Variants in SLCO1A2 observed in about 807,000 individuals in gnomAD.
SLCO1A2 encodes OATP-1.
SLCO1A2 carries 67 observed loss-of-function variants against 69.0 expected under a neutral mutation model. The observed-to-expected ratio is 0.97, with a 90% CI of 0.80 to 1.19. The LOEUF is 1.19. SLCO1A2 is among the 50% of genes most tolerant of loss of function. The probability of loss-of-function intolerance (pLI) is 0.00; values close to 1 mark genes in which losing one functional copy is unlikely to be tolerated. For missense variants in SLCO1A2, 787 were observed against 793.7 expected (o/e 0.99, Z 0.10); for synonymous variants, 260 against 265.9 (o/e 0.98, Z 0.22).
At chr12:21,386,037 G>C (rs1317070212) in intron 1 of SLCO1A2, among the ~76,000 whole-genome samples, 2 of 152,150 alleles carry the variant, frequency 1.3e-5, no homozygotes, top group Non-Finnish European at 2.9e-5. Flanking sequence ...TATGCCAAGA[G>C]ATATTGTCTA....
chr12:21,384,154 G>A (rs55785938), intron 1 of SLCO1A2, among the ~76,000 whole-genome samples: 1,714 of 152,112 alleles, frequency 0.011, 26 homozygotes, highest in African/African-American at 0.038. Context: ...GAACAGTATG[G>A]TATTACAGTG....
chr12:21,396,684 C>G (rs529688323), upstream of SLCO1A2, among the ~76,000 whole-genome samples: 165 of 152,284 alleles, frequency 1.1e-3, 1 homozygote, highest in African/African-American at 3.6e-3. Flanking sequence ...TCAGCAGAAA[C>G]CCTACAAGCC....
chr12:21,314,251 T>A (rs554212123), intron 4 of SLCO1A2, among the ~76,000 whole-genome samples: 1 of 152,354 alleles, frequency 6.6e-6, no homozygotes, highest in African/African-American at 2.4e-5. Flanking sequence ...AGTATTTACA[T>A]GGTCCTGAGA....
intron 1 of SLCO1A2, chr12:21,378,645 T>G (rs1221949093): frequency 2.0e-6 from 1 of 490,756 alleles, no homozygotes; most frequent in African/African-American, 1.9e-5. Context: ...TTGCTATAGA[T>G]TTGTATTTTA....
intron 1 of SLCO1A2, among the ~76,000 whole-genome samples, chr12:21,416,326 A>T (rs970052354): frequency 6.6e-6 from 1 of 151,422 alleles, no homozygotes; most frequent in African/African-American, 2.4e-5. Flanking sequence ...AAAGGGAAAT[A>T]ATGAATGAAG....
At chr12:21,348,125 C>T (rs1565510595) in intron 2 of SLCO1A2, among the ~76,000 whole-genome samples, 1 of 152,054 alleles carries the variant, frequency 6.6e-6, no homozygotes, top group Non-Finnish European at 1.5e-5. Context: ...TTTGTGAGTA[C>T]ATAGTAGGTA....
chr12:21,338,719 G>A (rs932043729), upstream of SLCO1A2, among the ~76,000 whole-genome samples: 1 of 151,750 alleles, frequency 6.6e-6, no homozygotes, highest in Non-Finnish European at 1.5e-5. Flanking sequence ...GCGTAGACTA[G>A]GTAAGTACAA....
chr12:21,312,202 C>G (rs1950308034), intron 4 of SLCO1A2, among the ~76,000 whole-genome samples: 1 of 152,354 alleles, frequency 6.6e-6, no homozygotes, highest in African/African-American at 2.4e-5. Context: ...TGCAGCTTCT[C>G]CATCAGCACT....
intron 2 of SLCO1A2, among the ~76,000 whole-genome samples, chr12:21,370,038 A>G (rs1939665457): frequency 6.6e-6 from 1 of 152,216 alleles, no homozygotes; most frequent in Admixed American, 6.5e-5. Flanking sequence ...AACAAGATAT[A>G]CAACTTAGAG....
At chr12:21,366,616 G>A (rs1161623804) in intron 2 of SLCO1A2, among the ~76,000 whole-genome samples, 1 of 151,950 alleles carries the variant, frequency 6.6e-6, no homozygotes, top group Non-Finnish European at 1.5e-5. Flanking sequence ...TGAAGGAAAT[G>A]AAGACCACAA....
chr12:21,292,757 A>G (rs1472263542), intron 11 of SLCO1A2, among the ~76,000 whole-genome samples: 2 of 151,880 alleles, frequency 1.3e-5, no homozygotes, highest in Non-Finnish European at 2.9e-5. Context: ...CACCATTCCC[A>G]GCTACATTTT....
intron 2 of SLCO1A2, among the ~76,000 whole-genome samples, chr12:21,322,731 G>A (rs1350678054): frequency 6.6e-6 from 1 of 152,082 alleles, no homozygotes; most frequent in Non-Finnish European, 1.5e-5. Flanking sequence ...AAGGGAAGAG[G>A]GTACAATGAG....
At chr12:21,410,366 C>A (rs1407623760) in intron 1 of SLCO1A2, among the ~76,000 whole-genome samples, 2 of 152,102 alleles carry the variant, frequency 1.3e-5, no homozygotes, top group Non-Finnish European at 2.9e-5. Context: ...GAGATCGAGG[C>A]TATATATAAC....
intron 1 of SLCO1A2, chr12:21,394,787 A>G (rs1439552945): frequency 6.6e-6 from 1 of 152,132 alleles, no homozygotes; most frequent in Admixed American, 6.5e-5. Context: ...AGATATTTAG[A>G]TATTTCTCAA....
rs376232087 is a variant in SLCO1A2, at chr12:21,282,944, ATATAT to A, written c.1611-7525_1611-7521del. On this transcript the variant is annotated intron_variant, in intron 12 of 14. Coordinates refer to ENST00000683939, the MANE Select transcript of SLCO1A2 (RefSeq NM_001386879.1). ...TTGAAGAGGATACAAATAAATGAAA[ATATAT>A]TATATGCTCATAAATTGAAAGAAAC... Among the ~76,000 whole-genome samples, 857 of 152,274 alleles carry A rather than the reference ATATAT, an allele frequency of 5.6e-3. 9 individuals are homozygous for A. Among genetic ancestry groups the A allele is most frequent in the African/African-American group, 0.019 (804 of 41,582 alleles).
At chr12:21,382,244 T>C (rs1165475706) in intron 1 of SLCO1A2, among the ~76,000 whole-genome samples, 1 of 152,158 alleles carries the variant, frequency 6.6e-6, no homozygotes, top group Admixed American at 6.5e-5. Flanking sequence ...AACCAAAAAC[T>C]GTATGTTCTC....
chr12:21,411,779 G>A (rs1203258725), intron 1 of SLCO1A2, among the ~76,000 whole-genome samples: 2 of 151,948 alleles, frequency 1.3e-5, no homozygotes, highest in Admixed American at 6.6e-5. Flanking sequence ...AACCTCCTGG[G>A]CTCAGGTGAT....
Position 21,300,421 on chromosome 12 carries a change from A to C in SLCO1A2, c.837T>G (p.Ala279=), listed in dbSNP as rs45629461. The C allele has an allele frequency of 1.8e-3, 2,873 of 1,613,420 alleles. 7 individuals are homozygous for C. Among genetic ancestry groups the C allele is most frequent in the Non-Finnish European group, 2.3e-3 (2,663 of 1,179,678 alleles). The stretch of plus-strand genomic sequence containing the variant: ...CTTCATTTTCATTTTTAATGATGTC[A>C]GCATTAGTCTCTAGTCCTTCCTTTG... The part of the protein sequence containing the change: ...TLPKEGLETN[A]DIIKNENEDK... The change falls in exon 8 of 15, where the codon GCT becomes GCG. Residue 279 remains alanine, a synonymous_variant. Coordinates refer to ENST00000683939, the MANE Select transcript of SLCO1A2 (RefSeq NM_001386879.1).
At chr12:21,410,599 A>T (rs1941892713) in intron 1 of SLCO1A2, among the ~76,000 whole-genome samples, 1 of 152,162 alleles carries the variant, frequency 6.6e-6, no homozygotes, top group African/African-American at 2.4e-5. Flanking sequence ...TAAGTGCAAA[A>T]GTTTCTTCTG....
Sources: allele counts gnomAD v4.1 joint callset (sites outside exome capture counted in the v4.1 genomes callset), GRCh38; gene constraint gnomAD v4.1.1; transcripts MANE v1.5; gene names NCBI Gene and HGNC (gene_info 2026-07-23, HGNC 2026-07-21).